CUEDC1: variants seen among roughly 807,000 people sequenced by gnomAD.
CUEDC1 encodes the protein CUE domain-containing protein 1.
A neutral mutation model predicts 43.7 loss-of-function variants in CUEDC1; 30 were observed. That is an observed-to-expected ratio of 0.69 (90% CI 0.51 to 0.93). The LOEUF is 0.93. CUEDC1 is among the 40% of genes least tolerant of loss of function. The pLI is 0.00. For synonymous variants in CUEDC1, 223 were observed against 223.6 expected (o/e 1.00, Z 0.02); for missense variants, 486 against 549.0 (o/e 0.89, Z 1.15).
chr17:57,953,203 G>GA (rs2143260194), intron 1 of CUEDC1, among the ~76,000 whole-genome samples: 2 of 152,278 alleles, frequency 1.3e-5, no homozygotes, highest in South Asian at 4.1e-4. Context: ...ACACCCAGCT[G>GA]AAACACCAGA....
Position 57,885,654 on chromosome 17 carries a change from C to T in CUEDC1, c.-90G>A. The T allele has an allele frequency of 7.5e-7, 1 of 1,325,650 alleles. No individual in the cohort carries two copies. Among genetic ancestry groups the T allele is most frequent in the Non-Finnish European group, 9.6e-7 (1 of 1,043,622 alleles). The allele number at this position is 1,325,650 out of a possible 1,614,324, so 82.1% of individuals were successfully genotyped here. Reference sequence around the variant, plus strand: ...CGCCGTCAGCCGCTTACTTGCCCTGCGGTCTCGGGCAGCTCACTCCTGCGC... The same window carrying T: ...CGCCGTCAGCCGCTTACTTGCCCTGTGGTCTCGGGCAGCTCACTCCTGCGC... On this transcript the variant is annotated 5_prime_UTR_variant, in exon 2 of 11. Transcript: ENST00000577830.
At chr17:57,925,374 G>A (rs2074736956) in intron 1 of CUEDC1, among the ~76,000 whole-genome samples, 1 of 152,160 alleles carries the variant, frequency 6.6e-6, no homozygotes, top group Admixed American at 6.5e-5. Context: ...AGGCACAGCT[G>A]TAATCTAGAG....
intron 5 of CUEDC1, among the ~76,000 whole-genome samples, chr17:57,871,641 C>T (rs1226657010): frequency 6.6e-6 from 1 of 152,172 alleles, no homozygotes; most frequent in Non-Finnish European, 1.5e-5. Flanking sequence ...AAGAAAGGCA[C>T]GGCCAGGGAT....
chr17:57,874,698 G>A (rs541886540), intron 3 of CUEDC1, among the ~76,000 whole-genome samples: 1 of 152,356 alleles, frequency 6.6e-6, no homozygotes, highest in Admixed American at 6.5e-5. Flanking sequence ...AGGCAGCCGA[G>A]GGCCGGGCGG....
At chr17:57,915,701 G>C (rs2074632533) in intron 1 of CUEDC1, among the ~76,000 whole-genome samples, 1 of 152,150 alleles carries the variant, frequency 6.6e-6, no homozygotes, top group Non-Finnish European at 1.5e-5. Flanking sequence ...TAGGACCTCG[G>C]GGACTTAAGG....
chr17:57,954,392 G>A lies in CUEDC1; in HGVS notation c.-316+833C>T, dbSNP rs1434412107. Among the ~76,000 whole-genome samples, 1 of 152,144 alleles carries A rather than the reference G, an allele frequency of 6.6e-6. No homozygotes were observed. Among genetic ancestry groups the A allele is most frequent in the Non-Finnish European group, 1.5e-5 (1 of 68,022 alleles). On this transcript the variant is annotated intron_variant, in intron 1 of 10. Coordinates refer to ENST00000577830, the MANE Select transcript of CUEDC1 (RefSeq NM_001271875.2). This position sits in a 1 kb window ranked among gnomAD's most constrained non-coding sequence, Gnocchi z 4.3. ...CCTCCCTCCCCTTAAAACACATTCC[G>A]TCTCAGGAATTTAATTTCAGTGTAC...
intron 3 of CUEDC1, among the ~76,000 whole-genome samples, chr17:57,875,449 C>A (rs1267481207): frequency 6.6e-6 from 1 of 152,192 alleles, no homozygotes; most frequent in African/African-American, 2.4e-5. Context: ...CAGGCCCAGC[C>A]CCCTCCCGGC....
At chr17:57,936,744 C>G (rs2074865276) in intron 1 of CUEDC1, among the ~76,000 whole-genome samples, 1 of 152,102 alleles carries the variant, frequency 6.6e-6, no homozygotes, top group African/African-American at 2.4e-5. Context: ...GCTCCTCTAG[C>G]CTCCTATCTA....
At chr17:57,951,456 A>T (rs575759534) in intron 1 of CUEDC1, among the ~76,000 whole-genome samples, 3 of 151,826 alleles carry the variant, frequency 2.0e-5, no homozygotes, top group African/African-American at 7.3e-5. Flanking sequence ...AAGCCAGTGG[A>T]GTTGGAACTT....
In CUEDC1 at chr17:57,862,155, G is replaced by A. The variant is rs1215766538; in HGVS notation, c.*1134C>T. The A allele has an allele frequency of 6.6e-6, 1 of 152,348 alleles. No homozygotes were observed. Among genetic ancestry groups the A allele is most frequent in the African/African-American group, 2.4e-5 (1 of 41,450 alleles). 9.4% of individuals were successfully genotyped at this position (152,348 alleles called of 1,614,324 possible). Reference sequence around the variant, plus strand: ...CTTCCCGGCTCTCCGGAAGGTCTGCGCGCTCCCATGTCCAGGGCGGGGCCA... The same window carrying A: ...CTTCCCGGCTCTCCGGAAGGTCTGCACGCTCCCATGTCCAGGGCGGGGCCA... On this transcript the variant is annotated 3_prime_UTR_variant, in exon 11 of 11. Coordinates refer to ENST00000577830, the MANE Select transcript of CUEDC1 (RefSeq NM_001271875.2).
At chr17:57,897,997 T>G (rs2074431546) in intron 1 of CUEDC1, among the ~76,000 whole-genome samples, 1 of 152,088 alleles carries the variant, frequency 6.6e-6, no homozygotes, top group South Asian at 2.1e-4. Flanking sequence ...TGGGCGACAG[T>G]GCGAGACTAG....
At chr17:57,901,387 T>C (rs1000272293) in intron 1 of CUEDC1, among the ~76,000 whole-genome samples, 1 of 152,232 alleles carries the variant, frequency 6.6e-6, no homozygotes, top group African/African-American at 2.4e-5. Flanking sequence ...TCCTGTCTAG[T>C]TGATTTAAGG....
intron 10 of CUEDC1, among the ~76,000 whole-genome samples, chr17:57,863,693 G>A (rs1419037709): frequency 6.6e-6 from 1 of 152,302 alleles, no homozygotes; most frequent in Non-Finnish European, 1.5e-5. Context: ...CCAGGCTGAA[G>A]AGTTCCTAAG....
chr17:57,938,165 G>C (rs1366210319), intron 1 of CUEDC1, among the ~76,000 whole-genome samples: 1 of 152,064 alleles, frequency 6.6e-6, no homozygotes, highest in Non-Finnish European at 1.5e-5. Context: ...AGACAGTCTA[G>C]GGACAAGGAC....
intron 1 of CUEDC1, among the ~76,000 whole-genome samples, chr17:57,926,851 A>G (rs1281165962): frequency 1.3e-5 from 2 of 152,154 alleles, no homozygotes; most frequent in Non-Finnish European, 2.9e-5. Flanking sequence ...TCTGGAACAT[A>G]GGAAATGGGG....
chr17:57,895,963 T>C (rs2074403657), intron 1 of CUEDC1, among the ~76,000 whole-genome samples: 1 of 152,074 alleles, frequency 6.6e-6, no homozygotes, highest in Admixed American at 6.5e-5. Flanking sequence ...GTAGGCTGAG[T>C]TCTGAGGTCT....
chr17:57,880,164 T>A (rs1275060134), intron 2 of CUEDC1, among the ~76,000 whole-genome samples: 4 of 152,174 alleles, frequency 2.6e-5, no homozygotes, highest in Admixed American at 1.3e-4. Context: ...TGTGGAATAT[T>A]CGCACTGTGA....
intron 3 of CUEDC1, among the ~76,000 whole-genome samples, chr17:57,879,152 T>C (rs1211358483): frequency 1.3e-5 from 2 of 152,222 alleles, no homozygotes; most frequent in Non-Finnish European, 2.9e-5. Context: ...CATCAATTAC[T>C]GATGACTGGC....
chr17:57,892,917 A>G (rs1034905578), intron 1 of CUEDC1, among the ~76,000 whole-genome samples: 1 of 152,216 alleles, frequency 6.6e-6, no homozygotes, highest in Non-Finnish European at 1.5e-5. Flanking sequence ...CCACCCAGGT[A>G]TTACTGTCCT....
Sources: gnomAD v4.1 joint callset for allele counts (sites outside exome capture counted in the v4.1 genomes callset) on GRCh38, gnomAD v4.1.1 for gene constraint, Gnocchi (gnomAD v3.1) non-coding constraint, MANE v1.5 for transcripts, NCBI Gene and HGNC (gene_info 2026-07-23, HGNC 2026-07-21) for gene names.